SLC7A1: variants seen among roughly 807,000 people sequenced by gnomAD.
SLC7A1 encodes the protein high affinity cationic amino acid transporter 1.
SLC7A1 carries 10 observed loss-of-function variants against 53.9 expected under a neutral mutation model. The observed-to-expected ratio is 0.19, with a 90% confidence interval of 0.11 to 0.31. The LOEUF is 0.31. Among genes scored for constraint, SLC7A1 ranks in the 10% least tolerant of loss-of-function variants. SLC7A1 has a pLI of 1.00. For synonymous variants in SLC7A1, 342 were observed against 338.7 expected, an observed-to-expected ratio of 1.01 and a Z score of -0.11; for missense variants, 525 against 827.2, an observed-to-expected ratio of 0.63 and a Z score of 4.48.
At chr13:29,589,034 G>A (rs761731210) in intron 1 of SLC7A1, among the ~76,000 whole-genome samples, 3 of 152,136 alleles carry the variant, frequency 2.0e-5, no homozygotes, top group Non-Finnish European at 4.4e-5. Context: ...TGGAAAAGCT[G>A]CGGGCCAGGA....
At chr13:29,525,396 CACAGG>C (rs1446436362) in intron 5 of SLC7A1, among the ~76,000 whole-genome samples, 2 of 152,230 alleles carry the variant, frequency 1.3e-5, no homozygotes, top group Non-Finnish European at 2.9e-5. Flanking sequence ...CACCCAGCTG[CACAGG>C]ACAACCTGCC....
In SLC7A1 at chr13:29,537,486, T is replaced by C. The variant is rs144132200; in HGVS notation, c.-14-1284A>G. Among the ~76,000 whole-genome samples, 57 of 152,302 alleles carry C rather than the reference T, an allele frequency of 3.7e-4. No homozygotes were observed. The Middle Eastern group carries it at 0.014, about 36-fold the overall frequency. On this transcript the variant is annotated intron_variant, in intron 2 of 12. Transcript: ENST00000380752. ...GGACTAAATGCAATGTGGGATCCTA[T>C]ATGGGATCCTGGGACAGAAAAAGGA...
chr13:29,528,565 C>T (rs1941201446), intron 5 of SLC7A1, among the ~76,000 whole-genome samples: 1 of 152,162 alleles, frequency 6.6e-6, no homozygotes, highest in African/African-American at 2.4e-5. Flanking sequence ...TTCAGAGGAA[C>T]CAGCAATGTC....
chr13:29,551,774 C>T (rs1036846790), intron 2 of SLC7A1, among the ~76,000 whole-genome samples: 1 of 152,194 alleles, frequency 6.6e-6, no homozygotes, highest in African/African-American at 2.4e-5. Flanking sequence ...TCAAGGCTCA[C>T]ATACCCCAAC....
chr13:29,576,845 G>A (rs910114272), intron 1 of SLC7A1, among the ~76,000 whole-genome samples: 1 of 152,228 alleles, frequency 6.6e-6, no homozygotes, highest in African/African-American at 2.4e-5. Flanking sequence ...CAAGTGGGCA[G>A]AGGAAGGCCT....
At chr13:29,550,223 T>G (rs1870110161) in intron 2 of SLC7A1, among the ~76,000 whole-genome samples, 2 of 152,150 alleles carry the variant, frequency 1.3e-5, no homozygotes, top group Non-Finnish European at 2.9e-5. Flanking sequence ...AAAGTCGGAC[T>G]GGGCACTCCA....
chr13:29,560,469 CATTA>C (rs138775483), intron 1 of SLC7A1, among the ~76,000 whole-genome samples: 2,209 of 150,080 alleles, frequency 0.015, 44 homozygotes, highest in African/African-American at 0.046. Flanking sequence ...ACATATATTA[CATTA>C]ATTAATTATA....
chr13:29,572,328 C>G (rs1372096044), intron 1 of SLC7A1, among the ~76,000 whole-genome samples: 1 of 152,230 alleles, frequency 6.6e-6, no homozygotes, highest in Admixed American at 6.5e-5. Flanking sequence ...ATTTTCTACT[C>G]CACGCACACG....
In SLC7A1 at chr13:29,513,306, A is replaced by G. The variant is rs1883449645; in HGVS notation, c.*1174T>C. Reference sequence around the variant, plus strand: ...AAATCACCTCCCCTGCGACCCACGCATCTCAGCTATAGGACAGCCGCAGGG... The same window carrying G: ...AAATCACCTCCCCTGCGACCCACGCGTCTCAGCTATAGGACAGCCGCAGGG... On this transcript the variant is annotated 3_prime_UTR_variant, in exon 13 of 13. Transcript: ENST00000380752. 6.5e-6 allele frequency: 1 copy of G among 152,714 alleles called. No individual in the cohort carries two copies. The highest frequency in any genetic ancestry group is 6.5e-5 in the Admixed American group (1 of 15,290). The allele number at this position is 152,714 out of a possible 1,614,324, so 9.5% of individuals were successfully genotyped here.
At chr13:29,542,934 C>CTA (rs1198005419) in intron 2 of SLC7A1, among the ~76,000 whole-genome samples, 1 of 152,202 alleles carries the variant, frequency 6.6e-6, no homozygotes, top group East Asian at 1.9e-4. Flanking sequence ...AGCTTGGACT[C>CTA]TTTTAAAGGC....
chr13:29,580,527 A>G (rs904198548), intron 1 of SLC7A1, among the ~76,000 whole-genome samples: 4 of 152,130 alleles, frequency 2.6e-5, no homozygotes, highest in African/African-American at 9.7e-5. Context: ...CTCCTCCTTC[A>G]TAGGCCTTTT....
intron 1 of SLC7A1, among the ~76,000 whole-genome samples, chr13:29,588,212 G>C (rs1321214237): frequency 6.6e-6 from 1 of 152,196 alleles, no homozygotes; most frequent in Admixed American, 6.5e-5. Flanking sequence ...CTGTGGCCTA[G>C]ATCGCAGGGT....
At chr13:29,517,815 C>T (rs112149978) in intron 9 of SLC7A1, 25 bp from the exon 10 acceptor site, 20 of 1,581,576 alleles carry the variant, frequency 1.3e-5, no homozygotes, top group African/African-American at 2.7e-5. Flanking sequence ...ATTGCGTGAC[C>T]GCCACATCTG....
Position 29,555,769 on chromosome 13 carries a change from T to C in SLC7A1, c.-114-1909A>G, listed in dbSNP as rs143340074. On this transcript the variant is annotated intron_variant, in intron 1 of 12. Transcript: ENST00000380752. Reference sequence around the variant, plus strand: ...GAAAAAAATGGGAATTTCAGAAAACTTGTATTCGTCACCAAGATGTGGACA... The same window carrying C: ...GAAAAAAATGGGAATTTCAGAAAACCTGTATTCGTCACCAAGATGTGGACA... 2.6e-5 allele frequency among the ~76,000 whole-genome samples: 4 copies of C among 152,338 alleles called. 1 individual carries two copies. Among genetic ancestry groups the C allele is most frequent in the African/African-American group, 9.6e-5 (4 of 41,576 alleles).
At position 29,531,821 on chromosome 13, in the gene SLC7A1, A is replaced by G. The variant is rs553264737; in HGVS notation, c.529+1003T>C. 1.2e-4 allele frequency among the ~76,000 whole-genome samples: 18 copies of G among 152,282 alleles called. No individual in the cohort carries two copies. In the East Asian group the frequency reaches 3.3e-3, roughly 28 times the overall value. On this transcript the variant is annotated intron_variant, in intron 4 of 12. Coordinates refer to ENST00000380752, the MANE Select transcript of SLC7A1 (RefSeq NM_003045.5). ...TGCACTCCAGCCTGGGTGACAGAACAAGACTCTGTCTCAAATATAAAATAA... is the reference window on the plus strand; with the variant it reads ...TGCACTCCAGCCTGGGTGACAGAACGAGACTCTGTCTCAAATATAAAATAA...
At chr13:29,537,025 T>G (rs930006296) in intron 2 of SLC7A1, among the ~76,000 whole-genome samples, 2 of 152,192 alleles carry the variant, frequency 1.3e-5, no homozygotes, top group African/African-American at 2.4e-5. Flanking sequence ...ATTGCTTTCC[T>G]CCAACCTACG....
chr13:29,528,338 G>A (rs180955630), intron 5 of SLC7A1, among the ~76,000 whole-genome samples: 6 of 152,326 alleles, frequency 3.9e-5, no homozygotes, highest in African/African-American at 7.2e-5. Flanking sequence ...GAATGCCAGC[G>A]GCAGCCTGAG....
At chr13:29,579,249 A>G (rs1871540136) in intron 1 of SLC7A1, among the ~76,000 whole-genome samples, 1 of 152,164 alleles carries the variant, frequency 6.6e-6, no homozygotes, top group Admixed American at 6.5e-5. Flanking sequence ...CTCATGGCCT[A>G]TCCCGACATT....
Position 29,511,495 on chromosome 13 carries a change from T to A in SLC7A1, c.*2985A>T, listed in dbSNP as rs570788033. 2 of 152,246 alleles carry A rather than the reference T, an allele frequency of 1.3e-5. No homozygotes were observed. The highest frequency in any genetic ancestry group is 3.8e-4 in the East Asian group (2 of 5,200). The allele number at this position is 152,246 out of a possible 1,614,324, so 9.4% of individuals were successfully genotyped here. On this transcript the variant is annotated 3_prime_UTR_variant, in exon 13 of 13. Coordinates refer to ENST00000380752, the MANE Select transcript of SLC7A1 (RefSeq NM_003045.5). ...GCATAAAGCCTTGGACAAGGGTGTG[T>A]GAGCAGGGATGATAAGTAGAGTGGG...
Sources: gnomAD v4.1 joint callset for allele counts (sites outside exome capture counted in the v4.1 genomes callset) on GRCh38, gnomAD v4.1.1 for gene constraint, MANE v1.5 for transcripts, NCBI Gene and HGNC (gene_info 2026-07-23, HGNC 2026-07-21) for gene names.